Variants in USF3 observed in about 807,000 individuals in gnomAD.
USF3 encodes the protein basic helix-loop-helix domain-containing protein USF3.
USF3 carries 29 observed loss-of-function variants against 157.5 expected under a neutral mutation model. The observed-to-expected ratio is 0.18, with a 90% CI of 0.14 to 0.25. The LOEUF (loss-of-function observed/expected upper bound fraction) is 0.25, where lower values mean the gene tolerates loss of function less well. Among genes scored for constraint, USF3 ranks in the 10% least tolerant of loss-of-function variants. The pLI is 1.00. For missense variants in USF3, 2,381 were observed against 2,667.6 expected (o/e 0.89, Z 2.37); for synonymous variants, 893 against 941.4 (o/e 0.95, Z 0.94).
At position 113,680,285 on chromosome 3, in the gene USF3, T is replaced by C. The variant is rs184242294; in HGVS notation, c.-134-2888A>G. Among the ~76,000 whole-genome samples the C allele has an allele frequency of 6.4e-4, 98 of 152,168 alleles. 1 individual carries two copies. The highest frequency in any genetic ancestry group is 2.5e-4 in the Non-Finnish European group (17 of 67,994). On this transcript the variant is annotated intron_variant, in intron 1 of 6. Coordinates refer to ENST00000316407, the MANE Select transcript of USF3 (RefSeq NM_001009899.4). ...TGACTTTGATATCATTACTTGTTATTGGTCTACTTAGGTTTTGGACTTCTT... is the reference window on the plus strand; with the variant it reads ...TGACTTTGATATCATTACTTGTTATCGGTCTACTTAGGTTTTGGACTTCTT...
chr3:113,688,643 A>G (rs978315240), intron 1 of USF3, among the ~76,000 whole-genome samples: 7 of 152,332 alleles, frequency 4.6e-5, no homozygotes, highest in African/African-American at 1.7e-4. Context: ...CATAGTGGGT[A>G]ATCAACAAGT....
At chr3:113,672,992 A>G (rs2107941495) in intron 4 of USF3, among the ~76,000 whole-genome samples, 1 of 152,312 alleles carries the variant, frequency 6.6e-6, no homozygotes, top group South Asian at 2.1e-4. Context: ...TCTCTTAGCT[A>G]TACCTCTAGG....
At position 113,649,753 on chromosome 3, in the gene USF3, T is replaced by C. The variant is rs72952653; in HGVS notation, c.*5191A>G. 8.8e-3 allele frequency: 6,162 copies of C among 697,736 alleles called. 278 individuals carry two copies. The African/African-American group carries it at 0.097, about 11-fold the overall frequency. The allele number at this position is 697,736 out of a possible 1,614,324, so 43.2% of individuals were successfully genotyped here. A position where few individuals can be genotyped will look rare whatever the true frequency, so the allele number is the denominator to read the frequency against. On this transcript the variant is annotated 3_prime_UTR_variant, in exon 7 of 7. Coordinates refer to ENST00000316407, the MANE Select transcript of USF3 (RefSeq NM_001009899.4). ...GGTAGAGGCTACAGGTGGAAAGATCTAGAAGCTCTGTGTCCAACAAGGTCC... is the reference window on the plus strand; with the variant it reads ...GGTAGAGGCTACAGGTGGAAAGATCCAGAAGCTCTGTGTCCAACAAGGTCC...
rs1206844681 is a variant in USF3, at chr3:113,655,899, C to G, written c.5783G>C (p.Ser1928Thr). 1.2e-6 allele frequency: 2 copies of G among 1,614,166 alleles called. No homozygotes were observed. The highest frequency in any genetic ancestry group is 1.7e-6 in the Non-Finnish European group (2 of 1,180,036). ...QKSNPMRITE[S>T]HATKGHMNPP... ...GTTCATGTGGCCCTTGGTGGCATGA[C>G]TCTCAGTAATCCTCATGGGATTGGA... The change falls in exon 7 of 7, where the codon AGT (serine) becomes ACT (threonine). Residue 1928 changes from serine (S) to threonine (T), a missense_variant. Physicochemically the swap from Ser to Thr is moderately conservative, Grantham distance 58. Coordinates refer to ENST00000316407, the MANE Select transcript of USF3 (RefSeq NM_001009899.4).
intron 1 of USF3, among the ~76,000 whole-genome samples, chr3:113,695,968 A>T (rs1707788349): frequency 6.6e-6 from 1 of 152,244 alleles, no homozygotes; most frequent in Non-Finnish European, 1.5e-5. Context: ...CAAGGAAAGA[A>T]GGGGAATGAA....
rs751523576 is a variant in USF3, at chr3:113,658,799, C to T, written c.2883G>A (p.Leu961=). Reference sequence around the variant, plus strand: ...TACTTGTAGTGCTTGTTGTAGATGACAAACCAGGAACCTGAGAAACCAAAA... The same window carrying T: ...TACTTGTAGTGCTTGTTGTAGATGATAAACCAGGAACCTGAGAAACCAAAA... The part of the protein sequence containing the change: ...PHILVSQVPG[L]SSTTSTTSTD... Residue 961 remains leucine (L), a synonymous_variant, in exon 7 of 7, where the codon TTG becomes TTA. Transcript: ENST00000316407. The T allele has an allele frequency of 5.6e-5, 91 of 1,614,104 alleles. No individual in the cohort carries two copies. Among genetic ancestry groups the T allele is most frequent in the Non-Finnish European group, 7.6e-5 (90 of 1,180,018 alleles).
rs191918576 is a variant in USF3, at chr3:113,686,019, G to A, written c.-134-8622C>T. On this transcript the variant is annotated intron_variant, in intron 1 of 6. Coordinates refer to ENST00000316407, the MANE Select transcript of USF3 (RefSeq NM_001009899.4). ...ACCCCAGCTAGTATTTCACTAGGTC[G>A]TGTGCACCCCAAGTCCAGTGGCTCC... Among the ~76,000 whole-genome samples, 8 of 152,278 alleles carry A rather than the reference G, an allele frequency of 5.3e-5. No individual in the cohort carries two copies. The East Asian group carries it at 1.4e-3, about 26-fold the overall frequency.
intron 4 of USF3, among the ~76,000 whole-genome samples, chr3:113,671,107 C>T (rs2107938978): frequency 6.6e-6 from 1 of 152,208 alleles, no homozygotes; most frequent in East Asian, 1.9e-4. Context: ...ATAGGAATTG[C>T]TAATATTTCA....
In USF3 at chr3:113,656,136, C is replaced by T. The variant is rs369850456; in HGVS notation, c.5546G>A (p.Gly1849Asp). 8.7e-6 allele frequency: 14 copies of T among 1,614,154 alleles called. No homozygotes were observed. Among genetic ancestry groups the T allele is most frequent in the African/African-American group, 1.3e-5 (1 of 75,012 alleles). Residue 1849 changes from glycine to aspartate, a missense_variant, in exon 7 of 7, where the codon GGT (glycine) becomes GAT (aspartate). Transcript: ENST00000316407. ...LSEHQRNTQCGPSSAIEYNCP... is the reference protein window; with the variant it reads ...LSEHQRNTQCDPSSAIEYNCP... ...ATTATATTCAATTGCAGAGGATGGA[C>T]CACACTGTGTATTCCTCTGATGTTC... is the stretch of plus-strand genomic sequence containing the variant.
chr3:113,656,095 C>G lies in USF3; in HGVS notation c.5587G>C (p.Glu1863Gln). 6.2e-7 allele frequency: 1 copy of G among 1,614,154 alleles called. No homozygotes were observed. Among genetic ancestry groups the G allele is most frequent in the Non-Finnish European group, 8.5e-7 (1 of 1,180,006 alleles). The change falls in exon 7 of 7, where the codon GAA (glutamate) becomes CAA (glutamine). Residue 1863 changes from glutamate (E) to glutamine (Q), a missense_variant. By Grantham distance (29) the Glu-to-Gln change is conservative. This residue lies in a region of USF3 where 770 missense variants were observed against 824.2 expected (regional missense o/e 0.93). Coordinates refer to ENST00000316407, the MANE Select transcript of USF3 (RefSeq NM_001009899.4). ...AIEYNCPPTH[E>Q]NVHIRRESES... ...CTCTCTCTTCTAATATGGACATTTT[C>G]ATGAGTTGGGGGACAATTATATTCA...
chr3:113,664,200 T>C (rs2107930676), intron 6 of USF3, 113 bp downstream of exon 6: 2 of 629,014 alleles, frequency 3.2e-6, no homozygotes, highest in East Asian at 2.8e-5. Flanking sequence ...TGCAGGGTCT[T>C]AATAATGTTT....
Position 113,660,925 on chromosome 3 carries a change from T to G in USF3, c.757A>C (p.Ser253Arg). 6.2e-7 allele frequency: 1 copy of G among 1,614,206 alleles called. No homozygotes were observed. The highest frequency in any genetic ancestry group is 1.1e-5 in the South Asian group (1 of 91,092). The change falls in exon 7 of 7, where the codon AGT becomes CGT. Residue 253 changes from serine to arginine, a missense_variant. By Grantham distance (110) the Ser-to-Arg change is moderately radical. Coordinates refer to ENST00000316407, the MANE Select transcript of USF3 (RefSeq NM_001009899.4). Reference protein sequence around the residue: ...ESESNVLGATSGSLIAVSIES... With the variant: ...ESESNVLGATRGSLIAVSIES... ...ATTGAAACAGCAATCAGTGAGCCAC[T>G]AGTGGCACCAAGCACATTTGATTCG...
At chr3:113,662,880 T>C (rs753838964) in intron 6 of USF3, among the ~76,000 whole-genome samples, 1 of 151,706 alleles carries the variant, frequency 6.6e-6, no homozygotes, top group Non-Finnish European at 1.5e-5. Flanking sequence ...CCCAGAGCAG[T>C]TATGTAATTT....
rs1435829840 is a variant in USF3 at position 113,656,200 on chromosome 3, G to A, written c.5482C>T (p.Leu1828Phe). ...TGGCTCCCAATGACCTGATCACTGA[G>A]GTGAGGGGCAAGTAAGCTCTGCATG... ...SFMQSLLAPH[L>F]SDQVIGSQRS... The change falls in exon 7 of 7, where the codon CTC (leucine) becomes TTC (phenylalanine). Residue 1828 changes from leucine (L) to phenylalanine (F), a missense_variant. Physicochemically the swap from Leu to Phe is conservative, Grantham distance 22 (BLOSUM62 0). Coordinates refer to ENST00000316407, the MANE Select transcript of USF3 (RefSeq NM_001009899.4). 1.2e-6 allele frequency: 2 copies of A among 1,614,108 alleles called. No individual in the cohort carries two copies. The highest frequency in any genetic ancestry group is 1.7e-5 in the Admixed American group (1 of 60,014).
In USF3 at chr3:113,660,001, T is replaced by C; in HGVS notation, c.1681A>G (p.Thr561Ala). 1 of 1,614,102 alleles carries C rather than the reference T, an allele frequency of 6.2e-7. No homozygotes were observed. Among genetic ancestry groups the C allele is most frequent in the Non-Finnish European group, 8.5e-7 (1 of 1,180,022 alleles). Residue 561 changes from threonine (T) to alanine (A), a missense_variant, in exon 7 of 7, where the codon ACC (threonine) becomes GCC (alanine). Around this residue, in one of 6 missense-constraint regions of USF3, gnomAD observed 1,435 missense variants for 1,550.9 expected, o/e 0.93. Transcript: ENST00000316407. ...GCCCTCATCACTGTTGGGCATGGGG[T>C]GGTGCTAGGTGGCTGAAGAATTATA... is the stretch of plus-strand genomic sequence containing the variant. ...NVIILQPPST[T>A]PCPTVMRAEV... is the part of the protein sequence containing the mutation.
At chr3:113,672,890 T>C (rs922848030) in intron 4 of USF3, among the ~76,000 whole-genome samples, 1 of 152,230 alleles carries the variant, frequency 6.6e-6, no homozygotes, top group Admixed American at 6.5e-5. Flanking sequence ...CCAATATTTA[T>C]TTTCTATATC....
intron 4 of USF3, 72 bp downstream of exon 4, chr3:113,673,276 T>C: frequency 1.0e-6 from 1 of 955,490 alleles, no homozygotes; most frequent in Non-Finnish European, 1.7e-6. Flanking sequence ...CATAAAAACT[T>C]ATAATCAACT....
At position 113,658,309 on chromosome 3, in the gene USF3, T is replaced by C. The variant is rs1312222699; in HGVS notation, c.3373A>G (p.Thr1125Ala). The change falls in exon 7 of 7, where the codon ACC (threonine) becomes GCC (alanine). Residue 1125 changes from threonine to alanine, a missense_variant. Thr to Ala is a moderately conservative substitution (Grantham distance 58). Around this residue, in one of 6 missense-constraint regions of USF3, gnomAD observed 1,435 missense variants for 1,550.9 expected, o/e 0.93. Transcript: ENST00000316407. Reference sequence around the variant, plus strand: ...ACTATATCAGTTTGCTCTACAAAGGTACAGCTGTCACATGTATTAGTTGTT... The same window carrying C: ...ACTATATCAGTTTGCTCTACAAAGGCACAGCTGTCACATGTATTAGTTGTT... ...NATTNTCDSC[T>A]FVEQTDIVAL... 3 of 1,614,224 alleles carry C rather than the reference T, an allele frequency of 1.9e-6. No individual in the cohort carries two copies. The South Asian group carries it at 3.3e-5, about 18-fold the overall frequency.
intron 2 of USF3, among the ~76,000 whole-genome samples, chr3:113,676,158 T>G (rs995764109): frequency 7.2e-5 from 11 of 152,168 alleles, no homozygotes; most frequent in Non-Finnish European, 1.5e-4. Flanking sequence ...TTTCCTGTCT[T>G]CTAATCTGAG....
Sources: allele counts gnomAD v4.1 joint callset (sites outside exome capture counted in the v4.1 genomes callset), GRCh38; gene constraint gnomAD v4.1.1; regional missense constraint gnomAD v4.1.1; transcripts MANE v1.5; gene names NCBI Gene and HGNC (gene_info 2026-07-23, HGNC 2026-07-21).